TICRR: variants seen among roughly 807,000 people sequenced by gnomAD.
The protein encoded by TICRR is treslin.
TICRR carries 132 observed loss-of-function variants against 178.1 expected under a neutral mutation model. The ratio of observed to expected loss-of-function variants is 0.74; its 90% confidence interval spans 0.64 to 0.86. The LOEUF (loss-of-function observed/expected upper bound fraction) is 0.86. Ranked by LOEUF, TICRR falls within the 40% of genes least tolerant of loss-of-function variation. TICRR has a pLI of 0.00. For missense variants in TICRR, 2,587 were observed against 2,334.3 expected (o/e 1.11, Z -2.23); for synonymous variants, 991 against 900.7 (o/e 1.10, Z -1.79).
chr15:89,584,585 A>AT (rs1330417959), intron 3 of TICRR, 58 bp downstream of exon 3: 1 of 1,480,280 alleles, frequency 6.8e-7, no homozygotes, highest in African/African-American at 1.4e-5. Context: ...GTAAAGTGAA[A>AT]TAAGTGTGTT....
Position 89,623,613 on chromosome 15 carries a change from C to T in TICRR, c.3313-10C>T, listed in dbSNP as rs781276408. The T allele has an allele frequency of 6.3e-7, 1 of 1,592,144 alleles. No individual in the cohort carries two copies. The highest frequency in any genetic ancestry group is 8.5e-7 in the Non-Finnish European group (1 of 1,171,740). On this transcript the variant is annotated splice_polypyrimidine_tract_variant and intron_variant, in intron 19 of 21. Coordinates refer to ENST00000268138, the MANE Select transcript of TICRR (RefSeq NM_152259.4). Reference sequence around the variant, plus strand: ...TATTCAAGGACTGAAATAAGCATTTCTCTTTTCAGACTCCCAAGAAGAGTC... The same window carrying T: ...TATTCAAGGACTGAAATAAGCATTTTTCTTTTCAGACTCCCAAGAAGAGTC...
At chr15:89,590,037 T>C (rs1025813753) in intron 4 of TICRR, among the ~76,000 whole-genome samples, 4 of 152,184 alleles carry the variant, frequency 2.6e-5, no homozygotes, top group African/African-American at 4.8e-5. Context: ...ATAATAAATA[T>C]ACCTTGTCCT....
At chr15:89,608,622 A>G (rs1244590418) in intron 14 of TICRR, among the ~76,000 whole-genome samples, 181 bp from the exon 15 acceptor site, 1 of 152,222 alleles carries the variant, frequency 6.6e-6, no homozygotes, top group Non-Finnish European at 1.5e-5. Flanking sequence ...TTGCAAAAGT[A>G]AATATTTTTA....
intron 16 of TICRR, chr15:89,617,940 C>A: frequency 5.2e-6 from 3 of 582,296 alleles, no homozygotes; most frequent in Non-Finnish European, 9.2e-6. Context: ...GATCCGCCCG[C>A]CTTAGCCTCC....
chr15:89,601,356 G>C lies in TICRR; in HGVS notation c.2212G>C (p.Glu738Gln), dbSNP rs1429740118. 2.5e-6 allele frequency: 4 copies of C among 1,614,012 alleles called. No homozygotes were observed. In the African/African-American group the frequency reaches 5.3e-5, roughly 22 times the overall value. ...EMCLQCPSINESTDDMEQVVE... is the reference protein window; with the variant it reads ...EMCLQCPSINQSTDDMEQVVE... Reference sequence around the variant, plus strand: ...GTGTCTGCAATGCCCTTCAATAAATGAAAGTACAGATGATATGGAACAAGT... The same window carrying C: ...GTGTCTGCAATGCCCTTCAATAAATCAAAGTACAGATGATATGGAACAAGT... Residue 738 changes from glutamate to glutamine, a missense_variant, in exon 10 of 22, where the codon GAA becomes CAA. Transcript: ENST00000268138.
intron 18 of TICRR, 47 bp from the exon 19 acceptor site, chr15:89,621,346 C>G (rs372671863): frequency 6.4e-7 from 1 of 1,566,912 alleles, no homozygotes; most frequent in African/African-American, 1.4e-5. Flanking sequence ...ATTGGAAGAA[C>G]AGGAATTGAG....
At chr15:89,626,375 A>T (rs999089895) in intron 21 of TICRR, among the ~76,000 whole-genome samples, 1 of 152,228 alleles carries the variant, frequency 6.6e-6, no homozygotes, top group African/African-American at 2.4e-5. Flanking sequence ...TCTGAGCAGC[A>T]CGAGTGATAG....
At chr15:89,600,185 CT>C (rs1322766939) in intron 8 of TICRR, among the ~76,000 whole-genome samples, 9 of 152,194 alleles carry the variant, frequency 5.9e-5, no homozygotes, top group Admixed American at 5.2e-4. Context: ...AAAAAGCCCC[CT>C]GGATAATCCT....
At position 89,627,787 on chromosome 15, in the gene TICRR, C is replaced by T; in HGVS notation, c.*701C>T. 1 of 152,552 alleles carries T rather than the reference C, an allele frequency of 6.6e-6. No individual in the cohort carries two copies. The highest frequency in any genetic ancestry group is 1.5e-5 in the Non-Finnish European group (1 of 68,300). The allele number at this position is 152,552 out of a possible 1,614,324, so 9.4% of individuals were successfully genotyped here. A position where few individuals can be genotyped will look rare whatever the true frequency, so the allele number is the denominator to read the frequency against. On this transcript the variant is annotated 3_prime_UTR_variant, in exon 22 of 22. Coordinates refer to ENST00000268138, the MANE Select transcript of TICRR (RefSeq NM_152259.4). ...TGGCTCATCGTTTCCACCAAGAGTG[C>T]CCCACAGGAGTGCCCCACAGACCCG...
chr15:89,611,654 T>C (rs910470911), intron 15 of TICRR, among the ~76,000 whole-genome samples: 4 of 152,090 alleles, frequency 2.6e-5, no homozygotes, highest in Admixed American at 6.6e-5. Context: ...CCCTCAGACT[T>C]TGTTCATTTT....
At position 89,600,600 on chromosome 15, in the gene TICRR, C is replaced by G. The variant is rs1963076747; in HGVS notation, c.2068C>G (p.Gln690Glu). The G allele has an allele frequency of 6.4e-7, 1 of 1,569,800 alleles. No homozygotes were observed. The highest frequency in any genetic ancestry group is 1.4e-5 in the African/African-American group (1 of 73,208). Residue 690 changes from glutamine (Q) to glutamate (E), a missense_variant, in exon 9 of 22, where the codon CAA (glutamine) becomes GAA (glutamate). Coordinates refer to ENST00000268138, the MANE Select transcript of TICRR (RefSeq NM_152259.4). ...TKELEVNCLN[Q>E]VKSSLLKTSK... ...GTATTTTTAGGTGAACTGCCTGAAT[C>G]AAGTAAAAAGTAGTCTCTTAAAAAC...
chr15:89,627,061 TG>T lies in TICRR; in HGVS notation c.5711del (p.Gly1904GlufsTer13). ...AGAACTTATACACGGAAGAAGCTCA[TG>T]GGAACCTGGCTGGAGGACTTATAGC... ...ISRTYTRKKL[M>X]GTWLEDL On this transcript the variant is annotated frameshift_variant, in exon 22 of 22. Coordinates refer to ENST00000268138, the MANE Select transcript of TICRR (RefSeq NM_152259.4). LOFTEE classifies it low-confidence loss of function (END_TRUNC). 6.2e-7 allele frequency: 1 copy of T among 1,614,146 alleles called. No homozygotes were observed. The highest frequency in any genetic ancestry group is 1.1e-5 in the South Asian group (1 of 91,080).
In TICRR at chr15:89,584,377, A is replaced by G. The variant is rs1263750497; in HGVS notation, c.1026A>G (p.Leu342=). The G allele has an allele frequency of 1.2e-6, 2 of 1,614,176 alleles. No individual in the cohort carries two copies. Among genetic ancestry groups the G allele is most frequent in the East Asian group, 2.2e-5 (1 of 44,882 alleles). Reference sequence around the variant, plus strand: ...TTCAGAAACCAGTCAGAATTTTTCTAAAAGGCTCAGTGGCCCAGTGGTCTC... The same window carrying G: ...TTCAGAAACCAGTCAGAATTTTTCTGAAAGGCTCAGTGGCCCAGTGGTCTC... ...RHFQKPVRIF[L]KGSVAQWSLP... is the part of the protein sequence containing the mutation. Residue 342 remains leucine, a synonymous_variant, in exon 3 of 22, where the codon CTA becomes CTG. Coordinates refer to ENST00000268138, the MANE Select transcript of TICRR (RefSeq NM_152259.4).
Position 89,601,717 on chromosome 15 carries a change from T to C in TICRR, c.2328-20T>C. On this transcript the variant is annotated intron_variant, in intron 11 of 21. Transcript: ENST00000268138. ...GGGTAAGATGGTAACTGTTCCGTAT[T>C]CGATCAATCTGTTCCACAGGTATAT... The C allele has an allele frequency of 6.2e-7, 1 of 1,614,004 alleles. No individual in the cohort carries two copies. Among genetic ancestry groups the C allele is most frequent in the Non-Finnish European group, 8.5e-7 (1 of 1,179,906 alleles).
chr15:89,626,958 G>A lies in TICRR; in HGVS notation c.5605G>A (p.Glu1869Lys). 2 of 1,613,748 alleles carry A rather than the reference G, an allele frequency of 1.2e-6. No individual in the cohort carries two copies. Among genetic ancestry groups the A allele is most frequent in the Non-Finnish European group, 1.7e-6 (2 of 1,179,824 alleles). Residue 1869 changes from glutamate to lysine, a missense_variant and splice_region_variant, in exon 22 of 22, where the codon GAG (glutamate) becomes AAG (lysine). Physicochemically the swap from Glu to Lys is moderately conservative, Grantham distance 56. Coordinates refer to ENST00000268138, the MANE Select transcript of TICRR (RefSeq NM_152259.4). ...TAAGCCTTTCTACCTTCTTCTAGATGAGGATGTGGATGTTCTTCCCTCCAC... is the reference window on the plus strand; with the variant it reads ...TAAGCCTTTCTACCTTCTTCTAGATAAGGATGTGGATGTTCTTCCCTCCAC... ...PSSQSKDPRD[E>K]DVDVLPSTVE...
At chr15:89,610,282 T>C (rs1256120636) in intron 15 of TICRR, among the ~76,000 whole-genome samples, 1 of 152,204 alleles carries the variant, frequency 6.6e-6, no homozygotes, top group Admixed American at 6.5e-5. Context: ...GTTTTATTGT[T>C]TATTTATTAT....
intron 4 of TICRR, among the ~76,000 whole-genome samples, chr15:89,587,182 C>A (rs1038545453): frequency 6.6e-6 from 1 of 152,062 alleles, no homozygotes; most frequent in Non-Finnish European, 1.5e-5. Context: ...GACTTTTGCC[C>A]TAAGCTACTG....
intron 17 of TICRR, among the ~76,000 whole-genome samples, chr15:89,618,457 TA>T (rs1291634893): frequency 6.6e-6 from 1 of 152,242 alleles, no homozygotes; most frequent in African/African-American, 2.4e-5. Flanking sequence ...TAAACTGTGT[TA>T]TACAAAGTGC....
Position 89,603,224 on chromosome 15 carries a change from G to GT in TICRR, c.2664+333dup, listed in dbSNP as rs1298559089. On this transcript the variant is annotated intron_variant, in intron 13 of 21. Coordinates refer to ENST00000268138, the MANE Select transcript of TICRR (RefSeq NM_152259.4). Reference sequence around the variant, plus strand: ...AGTCACTGGAAGAGAATATACAATTGTAAGTGGACTTTGGTTGCATACCAG... The same window carrying GT: ...AGTCACTGGAAGAGAATATACAATTGTTAAGTGGACTTTGGTTGCATACCAG... Among the ~76,000 whole-genome samples the GT allele has an allele frequency of 3.3e-5, 5 of 152,136 alleles. No homozygotes were observed. In the East Asian group the frequency reaches 5.8e-4, roughly 18 times the overall value.
Sources: gnomAD v4.1 joint callset for allele counts (sites outside exome capture counted in the v4.1 genomes callset) on GRCh38, gnomAD v4.1.1 for gene constraint, MANE v1.5 for transcripts, NCBI Gene and HGNC (gene_info 2026-07-23, HGNC 2026-07-21) for gene names.